SH3BP4: variants seen among roughly 807,000 people sequenced by gnomAD.
The protein encoded by SH3BP4 is SH3 domain-binding protein 4.
SH3BP4 carries 33 observed loss-of-function variants against 65.5 expected under a neutral mutation model. The observed-to-expected ratio is 0.50, with a 90% CI of 0.38 to 0.67. The LOEUF (loss-of-function observed/expected upper bound fraction) is 0.67. Ranked by LOEUF, SH3BP4 falls within the 30% of genes least tolerant of loss-of-function variation. The pLI, the probability that SH3BP4 is intolerant of heterozygous loss-of-function variation, is 0.00. For synonymous variants in SH3BP4, 552 were observed against 545.5 expected (o/e 1.01, Z -0.17); for missense variants, 1,134 against 1,261.4 (o/e 0.90, Z 1.53).
In SH3BP4 at chr2:235,042,344, G is replaced by A. The variant is rs776946115; in HGVS notation, c.1575G>A (p.Gly525=). 1.2e-6 allele frequency: 2 copies of A among 1,614,146 alleles called. No individual in the cohort carries two copies. The highest frequency in any genetic ancestry group is 1.7e-5 in the Admixed American group (1 of 60,024). The change falls in exon 4 of 6, where the codon GGG becomes GGA. Residue 525 remains glycine, a synonymous_variant. Coordinates refer to ENST00000392011, the MANE Select transcript of SH3BP4 (RefSeq NM_014521.3). This position sits in a 1 kb window ranked among gnomAD's most constrained non-coding sequence, Gnocchi z 7.3. The part of the protein sequence containing the change: ...NPAPVALQLW[G]KHQFVLSRPQ... ...CCCCGGTGGCCCTGCAGCTGTGGGG[G>A]AAGCACCAGTTCGTTTTGTCCAGGC...
Position 235,052,551 on chromosome 2 carries a change from TTCC to T in SH3BP4, c.2479-8_2479-6del. The T allele has an allele frequency of 6.5e-7, 1 of 1,538,998 alleles. No individual in the cohort carries two copies. The highest frequency in any genetic ancestry group is 8.8e-7 in the Non-Finnish European group (1 of 1,139,156). On this transcript the variant is annotated splice_polypyrimidine_tract_variant and splice_region_variant and intron_variant, in intron 4 of 5. Transcript: ENST00000392011. This position sits in a 1 kb window ranked among gnomAD's most constrained non-coding sequence, Gnocchi z 5.0. ...TACACTGTCTCACGCTGTGTGCCTCTTCCTCTGCAGGCCCTACTGAAGATGGAC... is the reference window on the plus strand; with the variant it reads ...TACACTGTCTCACGCTGTGTGCCTCTTCTGCAGGCCCTACTGAAGATGGAC...
In SH3BP4 at chr2:234,976,932, G is replaced by A. The variant is rs1458126899; in HGVS notation, c.-206-18371G>A. On this transcript the variant is annotated intron_variant, in intron 1 of 5. Coordinates refer to ENST00000392011, the MANE Select transcript of SH3BP4 (RefSeq NM_014521.3). The surrounding 1 kb of genome is among the most constrained non-coding windows in gnomAD (Gnocchi z 4.7). ...TGGAACAGAAAAAAAGGACCTCAGG[G>A]ACAAACATAGGAGACCCGGATGAAG... is the stretch of plus-strand genomic sequence containing the variant. 6.6e-6 allele frequency among the ~76,000 whole-genome samples: 1 copy of A among 152,136 alleles called. No individual in the cohort carries two copies. Among genetic ancestry groups the A allele is most frequent in the Non-Finnish European group, 1.5e-5 (1 of 68,018 alleles).
At chr2:234,999,710 A>G (rs1160154875) in intron 2 of SH3BP4, among the ~76,000 whole-genome samples, 1 of 152,244 alleles carries the variant, frequency 6.6e-6, no homozygotes, top group African/African-American at 2.4e-5. Flanking sequence ...GGAATCTAAG[A>G]CACCCTCAGA....
intron 2 of SH3BP4, among the ~76,000 whole-genome samples, chr2:235,012,060 G>A (rs1694526450): frequency 1.3e-5 from 2 of 152,218 alleles, no homozygotes; most frequent in Admixed American, 6.5e-5. Context: ...GCTGGTGCCC[G>A]CACACTCAGT....
rs1695143066 is a variant in SH3BP4 at position 235,030,342 on chromosome 2, C to T, written c.-132-4529C>T. ...TTTTGTCAGGCTCACATCTTGGCTG[C>T]GTTACCCTGGGCAAGTTGCTTTAGT... On this transcript the variant is annotated intron_variant, in intron 2 of 5. Coordinates refer to ENST00000392011, the MANE Select transcript of SH3BP4 (RefSeq NM_014521.3). The surrounding 1 kb of genome is among the most constrained non-coding windows in gnomAD (Gnocchi z 4.1). 1.3e-5 allele frequency among the ~76,000 whole-genome samples: 2 copies of T among 152,100 alleles called. No homozygotes were observed. Among genetic ancestry groups the T allele is most frequent in the South Asian group, 2.1e-4 (1 of 4,824 alleles).
Position 235,042,694 on chromosome 2 carries a change from C to T in SH3BP4, c.1925C>T (p.Thr642Ile). 6.2e-7 allele frequency: 1 copy of T among 1,614,214 alleles called. No homozygotes were observed. The highest frequency in any genetic ancestry group is 8.5e-7 in the Non-Finnish European group (1 of 1,180,052). Residue 642 changes from threonine to isoleucine, a missense_variant, in exon 4 of 6, where the codon ACT becomes ATT. Physicochemically the swap from Thr to Ile is moderately conservative, Grantham distance 89. Transcript: ENST00000392011. The surrounding 1 kb of genome is among the most constrained non-coding windows in gnomAD (Gnocchi z 7.3). ...GKIILSPFAT[T>I]TKYPTFQDRP... ...ATCATCCTGTCCCCGTTTGCCACCA[C>T]TACAAAGTACCCGACTTTCCAGGAC...
Position 234,997,298 on chromosome 2 carries a change from G to T in SH3BP4, c.-133+1922G>T, listed in dbSNP as rs937579361. ...AATAGTCACAGTCTGATTTGCCTGGGGGTCAGTGAGAGACACGGCTACCCA... is the reference window on the plus strand; with the variant it reads ...AATAGTCACAGTCTGATTTGCCTGGTGGTCAGTGAGAGACACGGCTACCCA... On this transcript the variant is annotated intron_variant, in intron 2 of 5. Coordinates refer to ENST00000392011, the MANE Select transcript of SH3BP4 (RefSeq NM_014521.3). The surrounding 1 kb of genome is among the most constrained non-coding windows in gnomAD (Gnocchi z 4.2). Among the ~76,000 whole-genome samples the T allele has an allele frequency of 6.6e-6, 1 of 152,202 alleles. No homozygotes were observed. Among genetic ancestry groups the T allele is most frequent in the Non-Finnish European group, 1.5e-5 (1 of 68,036 alleles).
chr2:235,042,497 C>T lies in SH3BP4; in HGVS notation c.1728C>T (p.Ile576=), dbSNP rs947718879. ...LGKVSRLIFP[I]TSQNPNELSD... ...AGGTGAGCCGCCTGATCTTCCCCATCACCTCCCAGAACCCCAACGAGCTCT... is the reference window on the plus strand; with the variant it reads ...AGGTGAGCCGCCTGATCTTCCCCATTACCTCCCAGAACCCCAACGAGCTCT... The change falls in exon 4 of 6, where the codon ATC becomes ATT. Residue 576 remains isoleucine, a synonymous_variant. Transcript: ENST00000392011. The surrounding 1 kb of genome is among the most constrained non-coding windows in gnomAD (Gnocchi z 7.3). 6.2e-7 allele frequency: 1 copy of T among 1,614,192 alleles called. No individual in the cohort carries two copies. Among genetic ancestry groups the T allele is most frequent in the East Asian group, 2.2e-5 (1 of 44,870 alleles).
At chr2:234,954,523 G>C (rs148752104) in intron 1 of SH3BP4, among the ~76,000 whole-genome samples, 2 of 152,290 alleles carry the variant, frequency 1.3e-5, no homozygotes, top group African/African-American at 4.8e-5. Flanking sequence ...CCTTCACCGG[G>C]TGCCTTGTCT....
At chr2:235,028,498 A>G (rs1200819715) in intron 2 of SH3BP4, among the ~76,000 whole-genome samples, 1 of 152,230 alleles carries the variant, frequency 6.6e-6, no homozygotes, top group Non-Finnish European at 1.5e-5. Context: ...GCTCCCTTAA[A>G]GATTATCCCA....
At position 234,991,313 on chromosome 2, in the gene SH3BP4, G is replaced by A. The variant is rs1693741051; in HGVS notation, c.-206-3990G>A. ...CCCTCTGAGGTGGGATCAACTCTCT[G>A]CAGATTTGTCATCAGCTGAGACTGT... On this transcript the variant is annotated intron_variant, in intron 1 of 5. Transcript: ENST00000392011. This position sits in a 1 kb window ranked among gnomAD's most constrained non-coding sequence, Gnocchi z 4.2. Among the ~76,000 whole-genome samples the A allele has an allele frequency of 1.3e-5, 2 of 152,176 alleles. No individual in the cohort carries two copies. The highest frequency in any genetic ancestry group is 4.8e-5 in the African/African-American group (2 of 41,444).
rs563014807 is a variant in SH3BP4 at position 234,976,034 on chromosome 2, C to T, written c.-206-19269C>T. ...TCGTCAGCCCCATAGAAACTGAGCT[C>T]TCCAAATTGAACGAGGACCCCAGAA... On this transcript the variant is annotated intron_variant, in intron 1 of 5. Coordinates refer to ENST00000392011, the MANE Select transcript of SH3BP4 (RefSeq NM_014521.3). The surrounding 1 kb of genome is among the most constrained non-coding windows in gnomAD (Gnocchi z 4.7). Among the ~76,000 whole-genome samples, 1 of 152,332 alleles carries T rather than the reference C, an allele frequency of 6.6e-6. No individual in the cohort carries two copies. Among genetic ancestry groups the T allele is most frequent in the Non-Finnish European group, 1.5e-5 (1 of 68,036 alleles).
chr2:235,025,212 T>C (rs1465968169), intron 2 of SH3BP4, among the ~76,000 whole-genome samples: 2 of 152,134 alleles, frequency 1.3e-5, no homozygotes, highest in Admixed American at 6.5e-5. Flanking sequence ...CACTGGTGTG[T>C]CTGTGAGCTC....
At position 235,041,108 on chromosome 2, in the gene SH3BP4, C is replaced by G; in HGVS notation, c.339C>G (p.Asn113Lys). Residue 113 changes from asparagine (N) to lysine (K), a missense_variant, in exon 4 of 6, where the codon AAC becomes AAG. Physicochemically the swap from Asn to Lys is moderately conservative, Grantham distance 94. Coordinates refer to ENST00000392011, the MANE Select transcript of SH3BP4 (RefSeq NM_014521.3). The surrounding 1 kb of genome is among the most constrained non-coding windows in gnomAD (Gnocchi z 6.0). Reference sequence around the variant, plus strand: ...CCTCCTCCTATGTGCAGCCCTTGAACTACCGGAACTCAACACTGAGTGACA... The same window carrying G: ...CCTCCTCCTATGTGCAGCCCTTGAAGTACCGGAACTCAACACTGAGTGACA... Reference protein sequence around the residue: ...YIPSSYVQPLNYRNSTLSDSG... With the variant: ...YIPSSYVQPLKYRNSTLSDSG... 1.2e-6 allele frequency: 2 copies of G among 1,614,182 alleles called. No homozygotes were observed. Among genetic ancestry groups the G allele is most frequent in the Non-Finnish European group, 1.7e-6 (2 of 1,180,028 alleles).
intron 1 of SH3BP4, among the ~76,000 whole-genome samples, chr2:234,989,167 A>C (rs1397586686): frequency 6.6e-6 from 1 of 152,204 alleles, no homozygotes; most frequent in Non-Finnish European, 1.5e-5. Flanking sequence ...GGTTGGGTCC[A>C]TGGCCAGGCC....
At chr2:235,010,877 C>T (rs1206258512) in intron 2 of SH3BP4, among the ~76,000 whole-genome samples, 1 of 132,260 alleles carries the variant, frequency 7.6e-6, no homozygotes, top group Non-Finnish European at 1.7e-5. Context: ...AACCTTCCTC[C>T]CTCTTCTAGA....
intron 1 of SH3BP4, among the ~76,000 whole-genome samples, chr2:234,989,731 G>T (rs945353202): frequency 7.2e-5 from 11 of 152,222 alleles, no homozygotes; most frequent in African/African-American, 2.6e-4. Flanking sequence ...TCATTTTCAC[G>T]TCGTGAAATA....
chr2:235,000,907 C>A (rs566316486), intron 2 of SH3BP4, among the ~76,000 whole-genome samples: 1 of 152,220 alleles, frequency 6.6e-6, no homozygotes, highest in Non-Finnish European at 1.5e-5. Context: ...TGTGGGCAGG[C>A]GTCACCTTGT....
In SH3BP4 at chr2:234,974,761, C is replaced by T. The variant is rs545156128; in HGVS notation, c.-206-20542C>T. ...AGCTTCTCTGGCTCCTGTCTGCCTC[C>T]TCTTTGTTCCCTGGCTGGTGTTGGG... On this transcript the variant is annotated intron_variant, in intron 1 of 5. Transcript: ENST00000392011. The surrounding 1 kb of genome is among the most constrained non-coding windows in gnomAD (Gnocchi z 4.6). Among the ~76,000 whole-genome samples the T allele has an allele frequency of 6.6e-6, 1 of 152,294 alleles. No homozygotes were observed. The highest frequency in any genetic ancestry group is 6.5e-5 in the Admixed American group (1 of 15,304).
Sources: gnomAD v4.1 joint callset for allele counts (sites outside exome capture counted in the v4.1 genomes callset) on GRCh38, gnomAD v4.1.1 for gene constraint, Gnocchi (gnomAD v3.1) non-coding constraint, MANE v1.5 for transcripts, NCBI Gene and HGNC (gene_info 2026-07-23, HGNC 2026-07-21) for gene names.